The following RNF150 variants were observed in gnomAD, a reference collection of about 807,000 sequenced individuals.
RNF150 encodes the protein ring finger protein 150.
In RNF150, 24 loss-of-function variants were observed where a neutral mutation model predicts 39.3. The ratio of observed to expected loss-of-function variants is 0.61; its 90% confidence interval spans 0.44 to 0.86. RNF150 has a LOEUF of 0.86. Ranked by LOEUF, RNF150 falls within the 40% of genes least tolerant of loss-of-function variation. The pLI is 0.00. For missense variants in RNF150, 502 were observed against 587.8 expected, an observed-to-expected ratio of 0.85 and a Z score of 1.51; for synonymous variants, 255 against 227.3, an observed-to-expected ratio of 1.12 and a Z score of -1.10.
At chr4:141,158,730 T>C (rs1433833738) in intron 1 of RNF150, among the ~76,000 whole-genome samples, 2 of 152,162 alleles carry the variant, frequency 1.3e-5, no homozygotes, top group African/African-American at 4.8e-5. Context: ...CTCAAAGTTA[T>C]CCCTACCCCG....
At chr4:140,984,628 C>T (rs553271166) in intron 1 of RNF150, among the ~76,000 whole-genome samples, 2 of 152,246 alleles carry the variant, frequency 1.3e-5, no homozygotes, top group African/African-American at 4.8e-5. Context: ...CTATCCCATA[C>T]ATTTTAGTGC....
chr4:141,047,599 C>T (rs1202028841), intron 1 of RNF150, among the ~76,000 whole-genome samples: 1 of 152,064 alleles, frequency 6.6e-6, no homozygotes, highest in Non-Finnish European at 1.5e-5. Context: ...ATTCCACAAA[C>T]ACAAAAATCC....
chr4:141,033,609 A>G (rs2110833443), intron 1 of RNF150, among the ~76,000 whole-genome samples: 1 of 152,308 alleles, frequency 6.6e-6, no homozygotes, highest in African/African-American at 2.4e-5. Context: ...CTGGGCAGCG[A>G]TACCTTAAAA....
intron 6 of RNF150, among the ~76,000 whole-genome samples, chr4:140,882,174 T>G (rs1201021608): frequency 6.6e-6 from 1 of 151,910 alleles, no homozygotes; most frequent in Non-Finnish European, 1.5e-5. Context: ...CACCCGCCAC[T>G]ACGCCCGGCT....
At chr4:141,188,636 A>G (rs1728054499) in intron 1 of RNF150, among the ~76,000 whole-genome samples, 1 of 152,122 alleles carries the variant, frequency 6.6e-6, no homozygotes. Flanking sequence ...TGCTGGATCA[A>G]TTCAGCAATT....
chr4:140,909,611 T>TATTA (rs1160684563), intron 6 of RNF150, among the ~76,000 whole-genome samples: 2 of 152,112 alleles, frequency 1.3e-5, no homozygotes, highest in Admixed American at 1.3e-4. Flanking sequence ...AGTAAAAATA[T>TATTA]ATTATTAAAA....
chr4:141,139,424 A>T (rs1399560682), intron 1 of RNF150, among the ~76,000 whole-genome samples: 1 of 152,224 alleles, frequency 6.6e-6, no homozygotes, highest in Non-Finnish European at 1.5e-5. Context: ...TGAGAGCAGT[A>T]ATTCCACATA....
At chr4:140,919,268 A>G (rs1730996199) in intron 5 of RNF150, among the ~76,000 whole-genome samples, 1 of 144,440 alleles carries the variant, frequency 6.9e-6, no homozygotes, top group African/African-American at 2.6e-5. Flanking sequence ...AGATGACATG[A>G]TTGTATATCT....
In RNF150 at chr4:141,132,275, C is replaced by A. The variant is rs1726913859; in HGVS notation, c.484+50G>T. The A allele has an allele frequency of 5.2e-6, 8 of 1,544,204 alleles. No individual in the cohort carries two copies. Among genetic ancestry groups the A allele is most frequent in the Non-Finnish European group, 7.0e-6 (8 of 1,141,810 alleles). ...GAGGCAGGCGCTGGATCCCTCTAGGCACCTCCGTCCCCGCCGGCTCCCCTC... is the reference window on the plus strand; with the variant it reads ...GAGGCAGGCGCTGGATCCCTCTAGGAACCTCCGTCCCCGCCGGCTCCCCTC... On this transcript the variant is annotated intron_variant, in intron 1 of 6. Transcript: ENST00000515673. This position sits in a 1 kb window ranked among gnomAD's most constrained non-coding sequence, Gnocchi z 4.9.
At chr4:141,121,699 T>C (rs1361969663) in intron 1 of RNF150, among the ~76,000 whole-genome samples, 1 of 152,166 alleles carries the variant, frequency 6.6e-6, no homozygotes, top group Non-Finnish European at 1.5e-5. Flanking sequence ...GAATCACTAA[T>C]TCATGATTTA....
chr4:141,128,314 T>C (rs1422870645), intron 1 of RNF150, among the ~76,000 whole-genome samples: 1 of 152,196 alleles, frequency 6.6e-6, no homozygotes, highest in African/African-American at 2.4e-5. Flanking sequence ...GGTGTTATCC[T>C]CCACTTCACA....
At chr4:141,150,686 C>T (rs908201172) in intron 1 of RNF150, among the ~76,000 whole-genome samples, 3 of 152,108 alleles carry the variant, frequency 2.0e-5, no homozygotes, top group Non-Finnish European at 4.4e-5. Context: ...ACTCTTTTTC[C>T]CCCAACTGAT....
At chr4:140,966,016 T>C (rs559482418) in intron 2 of RNF150, among the ~76,000 whole-genome samples, 26 of 152,202 alleles carry the variant, frequency 1.7e-4, no homozygotes, top group Admixed American at 1.4e-3. Context: ...ACTTCAACTA[T>C]ACACAATAAA....
chr4:140,942,398 T>C (rs1732124424), intron 4 of RNF150, among the ~76,000 whole-genome samples: 1 of 152,208 alleles, frequency 6.6e-6, no homozygotes, highest in East Asian at 1.9e-4. Flanking sequence ...TGTGCCGATG[T>C]TAAACAGCAG....
At chr4:141,187,716 A>G (rs943989725) in intron 1 of RNF150, among the ~76,000 whole-genome samples, 29 of 151,966 alleles carry the variant, frequency 1.9e-4, no homozygotes, top group African/African-American at 6.5e-4. Flanking sequence ...ATGTTCCTCT[A>G]TCTCTTTATT....
chr4:141,014,875 A>G (rs1735208151), intron 1 of RNF150, among the ~76,000 whole-genome samples: 1 of 152,108 alleles, frequency 6.6e-6, no homozygotes, highest in Non-Finnish European at 1.5e-5. Flanking sequence ...TTTCAGGATC[A>G]TATCCAAAAA....
At chr4:141,012,338 T>A (rs1202675392) in intron 1 of RNF150, among the ~76,000 whole-genome samples, 1 of 152,186 alleles carries the variant, frequency 6.6e-6, no homozygotes, top group African/African-American at 2.4e-5. Flanking sequence ...AGAATTCAAT[T>A]TCCTTGTCCC....
chr4:140,959,862 A>G (rs1732945107), intron 2 of RNF150, among the ~76,000 whole-genome samples: 1 of 152,086 alleles, frequency 6.6e-6, no homozygotes, highest in African/African-American at 2.4e-5. Flanking sequence ...GCTGGGGTAG[A>G]GGTGAGGCCG....
intron 2 of RNF150, among the ~76,000 whole-genome samples, chr4:140,951,728 G>C (rs2111381932): frequency 6.6e-6 from 1 of 152,206 alleles, no homozygotes; most frequent in African/African-American, 2.4e-5. Flanking sequence ...CCGGGGCAAG[G>C]ACTGAAAGGT....
Sources: allele counts gnomAD v4.1 joint callset (sites outside exome capture counted in the v4.1 genomes callset), GRCh38; gene constraint gnomAD v4.1.1; non-coding constraint Gnocchi (gnomAD v3.1); transcripts MANE v1.5; gene names NCBI Gene and HGNC (gene_info 2026-07-23, HGNC 2026-07-21).